FER: variants seen among roughly 807,000 people sequenced by gnomAD.
FER encodes the protein FER tyrosine kinase, also known as tyrosine-protein kinase Fer.
FER carries 63 observed loss-of-function variants against 111.0 expected under a neutral mutation model. The observed-to-expected ratio is 0.57, with a 90% confidence interval of 0.46 to 0.70. The LOEUF is 0.70. Ranked by LOEUF, FER falls within the 30% of genes least tolerant of loss-of-function variation. The pLI is 0.00. For synonymous variants in FER, 327 were observed against 313.9 expected (o/e 1.04, Z -0.44); for missense variants, 914 against 954.0 (o/e 0.96, Z 0.55).
intron 17 of FER, among the ~76,000 whole-genome samples, chr5:109,162,230 C>T (rs1756068195): frequency 6.6e-6 from 1 of 152,058 alleles, no homozygotes; most frequent in African/African-American, 2.4e-5. Context: ...AAATGAGTAA[C>T]ATTTCATGGT....
intron 16 of FER, among the ~76,000 whole-genome samples, chr5:109,075,655 C>CCTCGTG (rs1181438998): frequency 6.6e-6 from 1 of 152,018 alleles, no homozygotes; most frequent in East Asian, 1.9e-4. Flanking sequence ...AATCTCCTGA[C>CCTCGTG]CTCGTGATCC....
At chr5:109,042,279 A>G (rs1204939113) in intron 14 of FER, among the ~76,000 whole-genome samples, 1 of 152,128 alleles carries the variant, frequency 6.6e-6, no homozygotes, top group Non-Finnish European at 1.5e-5. Context: ...GTCATGCTTC[A>G]TGACTTTTTG....
chr5:108,864,929 A>G (rs1763882751), intron 5 of FER, among the ~76,000 whole-genome samples: 2 of 152,018 alleles, frequency 1.3e-5, no homozygotes, highest in East Asian at 3.9e-4. Flanking sequence ...ATGGCATTGA[A>G]TCTATAAATT....
At chr5:108,797,030 C>T (rs1456750331) in intron 2 of FER, among the ~76,000 whole-genome samples, 3 of 152,078 alleles carry the variant, frequency 2.0e-5, no homozygotes, top group Non-Finnish European at 4.4e-5. Flanking sequence ...CCACAGCGTA[C>T]TACCCGGGTA....
chr5:108,990,423 A>G (rs1001313988), intron 13 of FER, among the ~76,000 whole-genome samples: 5 of 151,866 alleles, frequency 3.3e-5, no homozygotes, highest in Non-Finnish European at 7.4e-5. Context: ...AGAAAATTAG[A>G]TACAACTTGT....
At chr5:108,763,400 G>C (rs7700630) in intron 1 of FER, among the ~76,000 whole-genome samples, 1 of 152,000 alleles carries the variant, frequency 6.6e-6, no homozygotes, top group Non-Finnish European at 1.5e-5. Context: ...TGAGGGCCAG[G>C]TGTTTACCTA....
At chr5:109,000,979 C>G (rs1352465130) in intron 13 of FER, among the ~76,000 whole-genome samples, 1 of 152,076 alleles carries the variant, frequency 6.6e-6, no homozygotes, top group African/African-American at 2.4e-5. Flanking sequence ...CTGAATAGAC[C>G]AATAACAGGA....
chr5:108,879,695 AAAAAAAATATAT>A, intron 8 of FER, among the ~76,000 whole-genome samples: 1 of 92,324 alleles, frequency 1.1e-5, no homozygotes, highest in South Asian at 3.3e-4. Flanking sequence ...TTTTAGATTA[AAAAAAAATATAT>A]ATATATATAT....
intron 13 of FER, among the ~76,000 whole-genome samples, chr5:109,036,929 T>G (rs1770488256): frequency 6.6e-6 from 1 of 152,060 alleles, no homozygotes; most frequent in Non-Finnish European, 1.5e-5. Context: ...TTGGGAAAGA[T>G]ATGGGACTAT....
At chr5:109,136,959 C>CA (rs1752959766) in intron 17 of FER, among the ~76,000 whole-genome samples, 1 of 152,120 alleles carries the variant, frequency 6.6e-6, no homozygotes, top group East Asian at 1.9e-4. Context: ...CAATTTGAAG[C>CA]AAAGAAGCCT....
chr5:108,922,871 T>A (rs974503093), intron 10 of FER, among the ~76,000 whole-genome samples: 1 of 152,112 alleles, frequency 6.6e-6, no homozygotes, highest in African/African-American at 2.4e-5. Flanking sequence ...AAGAATACCT[T>A]TGGTGAAATA....
chr5:109,090,113 A>G (rs1778001560), intron 16 of FER, among the ~76,000 whole-genome samples: 1 of 152,168 alleles, frequency 6.6e-6, no homozygotes, highest in South Asian at 2.1e-4. Flanking sequence ...CTGAGGAGCC[A>G]ATGGCCTTTG....
At chr5:109,127,840 G>A (rs1162242179) in intron 17 of FER, among the ~76,000 whole-genome samples, 2 of 152,058 alleles carry the variant, frequency 1.3e-5, no homozygotes, top group African/African-American at 2.4e-5. Flanking sequence ...ATGTTCAGAA[G>A]TAGGCTCCTG....
chr5:109,188,392 A>C lies in FER; in HGVS notation c.*817A>C, dbSNP rs573344045. The C allele has an allele frequency of 2.0e-5, 3 of 148,744 alleles. No individual in the cohort carries two copies. The highest frequency in any genetic ancestry group is 4.5e-5 in the Non-Finnish European group (3 of 66,918). 9.2% of individuals were successfully genotyped at this position (148,744 alleles called of 1,614,324 possible). A position where few individuals can be genotyped will look rare whatever the true frequency, so the allele number is the denominator to read the frequency against. On this transcript the variant is annotated 3_prime_UTR_variant, in exon 20 of 20. Coordinates refer to ENST00000281092, the MANE Select transcript of FER (RefSeq NM_005246.4). ...TGGTGAAACCCTGTCTCTACCAAAA[A>C]AAAAAAAAGAAACACACACACAACG...
Position 109,081,996 on chromosome 5 carries a change from T to A in FER, c.1925-18400T>A, listed in dbSNP as rs372571649. 1.8e-4 allele frequency among the ~76,000 whole-genome samples: 28 copies of A among 152,162 alleles called. 1 individual carries two copies. Among genetic ancestry groups the A allele is most frequent in the African/African-American group, 6.5e-4 (27 of 41,530 alleles). ...CTGAACCATTATAACATATTACTTG[T>A]GTGTCTGTGTAGCCATTATTTTACT... On this transcript the variant is annotated intron_variant, in intron 16 of 19. Coordinates refer to ENST00000281092, the MANE Select transcript of FER (RefSeq NM_005246.4).
chr5:109,061,732 C>G (rs977068592), intron 16 of FER, among the ~76,000 whole-genome samples: 1 of 152,046 alleles, frequency 6.6e-6, no homozygotes, highest in South Asian at 2.1e-4. Flanking sequence ...TTTTTCTCTA[C>G]TGGGAATAAA....
intron 11 of FER, among the ~76,000 whole-genome samples, chr5:108,949,929 A>G (rs1476346101): frequency 6.6e-6 from 1 of 152,114 alleles, no homozygotes; most frequent in East Asian, 1.9e-4. Flanking sequence ...CACAGGCACA[A>G]TCGTAAAAGT....
rs1043681218 is a variant in FER at position 108,892,015 on chromosome 5, A to G, written c.1047-5644A>G. 2.6e-5 allele frequency among the ~76,000 whole-genome samples: 4 copies of G among 152,178 alleles called. No individual in the cohort carries two copies. In the East Asian group the frequency reaches 5.8e-4, roughly 22 times the overall value. The stretch of plus-strand genomic sequence containing the variant: ...TGAACTCATCCTTTTTTATGGCTGC[A>G]TAGTATTTCATGGTGTATATGTGCC... On this transcript the variant is annotated intron_variant, in intron 9 of 19. Coordinates refer to ENST00000281092, the MANE Select transcript of FER (RefSeq NM_005246.4).
intron 17 of FER, among the ~76,000 whole-genome samples, chr5:109,105,233 TGTG>T (rs1269560591): frequency 9.7e-4 from 6 of 6,190 alleles, no homozygotes; most frequent in African/African-American, 4.5e-3. Flanking sequence ...CTTATATTTG[TGTG>T]TGTGTGTGTG....
Sources: gnomAD v4.1 joint callset for allele counts (sites outside exome capture counted in the v4.1 genomes callset) on GRCh38, gnomAD v4.1.1 for gene constraint, MANE v1.5 for transcripts, NCBI Gene and HGNC (gene_info 2026-07-23, HGNC 2026-07-21) for gene names.